The following FGGY variants were observed in gnomAD, a reference collection of about 807,000 sequenced individuals.
The protein encoded by FGGY is FGGY carbohydrate kinase domain-containing protein.
FGGY carries 72 observed loss-of-function variants against 71.3 expected under a neutral mutation model. The ratio of observed to expected loss-of-function variants is 1.01; its 90% confidence interval spans 0.84 to 1.23. The LOEUF (loss-of-function observed/expected upper bound fraction) is 1.23, where lower values mean the gene tolerates loss of function less well. Among genes scored for constraint, FGGY ranks in the 50% most tolerant of loss-of-function variants. The pLI is 0.00. For synonymous variants in FGGY, 251 were observed against 250.3 expected, an observed-to-expected ratio of 1.00 and a Z score of -0.02; for missense variants, 668 against 682.3, an observed-to-expected ratio of 0.98 and a Z score of 0.23.
intron 2 of FGGY, among the ~76,000 whole-genome samples, chr1:59,338,178 G>A (rs2049981537): frequency 6.6e-6 from 1 of 152,048 alleles, no homozygotes; most frequent in South Asian, 2.1e-4. Context: ...TGCATTCCTG[G>A]GATGACTCCA....
rs2097354384 is a variant in FGGY at position 59,669,283 on chromosome 1, G to A, written c.1417+1880G>A. Among the ~76,000 whole-genome samples the A allele has an allele frequency of 2.6e-5, 4 of 152,110 alleles. No homozygotes were observed. In the South Asian group the frequency reaches 8.3e-4, roughly 32 times the overall value. ...TCGGGGCCCACCGTCCCTTTGTACT[G>A]TACTGCTGACCCAGGTTTCTTGACT... On this transcript the variant is annotated intron_variant, in intron 13 of 15. Coordinates refer to ENST00000303721, the MANE Select transcript of FGGY (RefSeq NM_018291.5).
At chr1:59,648,625 G>A (rs1445565497) in intron 11 of FGGY, among the ~76,000 whole-genome samples, 1 of 150,000 alleles carries the variant, frequency 6.7e-6, no homozygotes, top group Admixed American at 6.6e-5. Context: ...ATTTGGTTGA[G>A]TTCATTGTAG....
intron 6 of FGGY, among the ~76,000 whole-genome samples, chr1:59,491,658 GA>G (rs1251046529): frequency 6.6e-6 from 1 of 151,278 alleles, no homozygotes; most frequent in African/African-American, 2.4e-5. Flanking sequence ...TACAAACAGG[GA>G]TAATTTGACT....
At chr1:59,479,366 G>C (rs759606049) in intron 6 of FGGY, among the ~76,000 whole-genome samples, 1 of 152,210 alleles carries the variant, frequency 6.6e-6, no homozygotes, top group Non-Finnish European at 1.5e-5. Flanking sequence ...ATTGTTGGAA[G>C]ATGGAGATTT....
intron 14 of FGGY, chr1:59,699,158 A>G (rs893632093): frequency 3.3e-5 from 33 of 985,306 alleles, no homozygotes; most frequent in South Asian, 4.7e-5. Flanking sequence ...AACTTTTAGT[A>G]TCGTGAGCTT....
chr1:59,490,684 G>A (rs1255194297), intron 6 of FGGY, among the ~76,000 whole-genome samples: 1 of 152,050 alleles, frequency 6.6e-6, no homozygotes, highest in Non-Finnish European at 1.5e-5. Context: ...TCCATTTTGA[G>A]TTGTTTTTTG....
chr1:59,411,191 G>A (rs1302227262), intron 5 of FGGY, among the ~76,000 whole-genome samples: 2 of 152,154 alleles, frequency 1.3e-5, no homozygotes, highest in African/African-American at 4.8e-5. Context: ...TGACCATGAC[G>A]TTTTTGGAGT....
At chr1:59,507,230 G>A (rs1001328935) in intron 6 of FGGY, among the ~76,000 whole-genome samples, 1 of 152,190 alleles carries the variant, frequency 6.6e-6, no homozygotes, top group Non-Finnish European at 1.5e-5. Context: ...ACAGTTGGCC[G>A]CCTGTGGGTG....
chr1:59,508,181 C>G (rs1184635745), intron 6 of FGGY, among the ~76,000 whole-genome samples: 4 of 152,198 alleles, frequency 2.6e-5, no homozygotes, highest in Non-Finnish European at 2.9e-5. Context: ...ACTGGACCCT[C>G]CACAGTTCTC....
chr1:59,658,877 T>C (rs747769786), intron 11 of FGGY, among the ~76,000 whole-genome samples: 25 of 152,272 alleles, frequency 1.6e-4, no homozygotes, highest in Admixed American at 4.6e-4. Context: ...GGAGATCAAA[T>C]GTACAAAACT....
chr1:59,703,058 G>A (rs572994272), intron 14 of FGGY, among the ~76,000 whole-genome samples: 6 of 152,254 alleles, frequency 3.9e-5, no homozygotes, highest in African/African-American at 7.2e-5. Context: ...TATACTCCAC[G>A]TAGGGAGCCT....
chr1:59,653,037 TG>T (rs745969646), intron 11 of FGGY, among the ~76,000 whole-genome samples: 1 of 152,160 alleles, frequency 6.6e-6, no homozygotes, highest in Admixed American at 6.5e-5. Context: ...GTGCTCCTGC[TG>T]GGGGGTGCCT....
At chr1:59,723,198 C>T (rs887355436) in intron 14 of FGGY, among the ~76,000 whole-genome samples, 1 of 152,146 alleles carries the variant, frequency 6.6e-6, no homozygotes, top group Non-Finnish European at 1.5e-5. Context: ...TCTTGGCCCT[C>T]CCAGCTGAAA....
intron 8 of FGGY, among the ~76,000 whole-genome samples, chr1:59,560,819 C>T (rs1168594796): frequency 6.6e-6 from 1 of 151,978 alleles, no homozygotes; most frequent in Non-Finnish European, 1.5e-5. Flanking sequence ...AGGGGCTGTC[C>T]CAAGTCTTGG....
At chr1:59,367,783 G>A (rs1462896631) in intron 4 of FGGY, among the ~76,000 whole-genome samples, 3 of 152,202 alleles carry the variant, frequency 2.0e-5, no homozygotes, top group Non-Finnish European at 2.9e-5. Context: ...CAGGGCGGCT[G>A]CAGCCTTGAA....
chr1:59,608,060 A>C, intron 9 of FGGY, 150 bp downstream of exon 9: 33 of 602,542 alleles, frequency 5.5e-5, no homozygotes, highest in East Asian at 1.1e-4. Context: ...CTAACATGTC[A>C]TACACATGCA....
In FGGY at chr1:59,362,608, A is replaced by T. The variant is rs373816778; in HGVS notation, c.466-16141A>T. On this transcript the variant is annotated intron_variant, in intron 4 of 15. Transcript: ENST00000303721. ...CAGGCCATTGCCTCAGTGTGGACTG[A>T]CCTCCATCCCATCTTCCTCAGTCTT... Among the ~76,000 whole-genome samples, 25 of 151,766 alleles carry T rather than the reference A, an allele frequency of 1.6e-4. No individual in the cohort carries two copies. In the East Asian group the frequency reaches 2.7e-3, roughly 16 times the overall value.
chr1:59,544,568 C>T (rs2095493326), intron 7 of FGGY, among the ~76,000 whole-genome samples: 1 of 152,148 alleles, frequency 6.6e-6, no homozygotes, highest in Non-Finnish European at 1.5e-5. Context: ...TCTCAGATAC[C>T]TTCAGCTTAA....
At chr1:59,321,898 A>G (rs2046458114) in intron 2 of FGGY, 148 bp downstream of exon 2, 8 of 688,874 alleles carry the variant, frequency 1.2e-5, no homozygotes, top group Admixed American at 1.1e-4. Flanking sequence ...CTCACAGTCT[A>G]CTGGCAGAGA....
Sources: allele counts gnomAD v4.1 joint callset (sites outside exome capture counted in the v4.1 genomes callset), GRCh38; gene constraint gnomAD v4.1.1; transcripts MANE v1.5; gene names NCBI Gene and HGNC (gene_info 2026-07-23, HGNC 2026-07-21).